The following CATSPER3 variants were observed in gnomAD, a reference collection of about 807,000 sequenced individuals.
The protein encoded by CATSPER3 is cation channel sperm-associated protein 3.
CATSPER3 carries 23 observed loss-of-function variants against 36.6 expected under a neutral mutation model. The ratio of observed to expected loss-of-function variants is 0.63; its 90% CI spans 0.45 to 0.89. The LOEUF (loss-of-function observed/expected upper bound fraction) is 0.89, where lower values mean the gene tolerates loss of function less well. Among genes scored for constraint, CATSPER3 ranks in the 40% least tolerant of loss-of-function variants. The probability of loss-of-function intolerance (pLI) is 0.00; values close to 1 mark genes in which losing one functional copy is unlikely to be tolerated. For synonymous variants in CATSPER3, 172 were observed against 184.1 expected (o/e 0.93, Z 0.53); for missense variants, 474 against 503.9 (o/e 0.94, Z 0.57).
intron 3 of CATSPER3, among the ~76,000 whole-genome samples, chr5:135,004,734 A>G (rs555627008): frequency 1.3e-5 from 2 of 152,112 alleles, no homozygotes; most frequent in Non-Finnish European, 2.9e-5. Flanking sequence ...AGAAGGAGGT[A>G]CTGAGTCTGG....
chr5:134,990,404 A>T (rs1260515989), intron 2 of CATSPER3, among the ~76,000 whole-genome samples: 1 of 152,192 alleles, frequency 6.6e-6, no homozygotes. Context: ...TGAGTTTCTA[A>T]TTAGCGTCTC....
At chr5:134,998,749 C>T (rs1580912141) in intron 3 of CATSPER3, among the ~76,000 whole-genome samples, 1 of 152,134 alleles carries the variant, frequency 6.6e-6, no homozygotes, top group African/African-American at 2.4e-5. Flanking sequence ...ATCCTTTGCC[C>T]ACTTTTTGAT....
intron 2 of CATSPER3, among the ~76,000 whole-genome samples, chr5:134,989,618 A>G (rs1157433623): frequency 6.6e-6 from 1 of 152,204 alleles, no homozygotes; most frequent in Non-Finnish European, 1.5e-5. Context: ...GACTTCAAAC[A>G]ATTGAAGAGA....
intron 2 of CATSPER3, among the ~76,000 whole-genome samples, chr5:134,988,594 GA>G (rs1751838743): frequency 6.6e-6 from 1 of 152,164 alleles, no homozygotes. Flanking sequence ...GCTCACCCAT[GA>G]AAAGCAACTC....
intron 5 of CATSPER3, 76 bp from the exon 6 acceptor site, chr5:135,009,295 G>T: frequency 1.3e-6 from 2 of 1,497,862 alleles, no homozygotes; most frequent in East Asian, 2.3e-5. Flanking sequence ...AGCGGTGCAA[G>T]ACTGGGGAAG....
chr5:134,991,236 A>G (rs905470224), intron 2 of CATSPER3, among the ~76,000 whole-genome samples: 1 of 152,242 alleles, frequency 6.6e-6, no homozygotes, highest in African/African-American at 2.4e-5. Flanking sequence ...GATACAATGC[A>G]ATTTTTGTCA....
chr5:134,981,254 G>A (rs971366087), intron 2 of CATSPER3, among the ~76,000 whole-genome samples: 1 of 152,002 alleles, frequency 6.6e-6, no homozygotes, highest in African/African-American at 2.4e-5. Flanking sequence ...ACTTTGGGAG[G>A]CCCAGGCAGG....
At chr5:135,007,645 G>C (rs1473997012) in intron 3 of CATSPER3, among the ~76,000 whole-genome samples, 2 of 152,234 alleles carry the variant, frequency 1.3e-5, no homozygotes, top group East Asian at 3.8e-4. Context: ...CACACAGCCA[G>C]GTTGGGGTTC....
intron 3 of CATSPER3, among the ~76,000 whole-genome samples, chr5:135,002,185 T>A (rs1752028276): frequency 1.3e-5 from 2 of 152,338 alleles, no homozygotes; most frequent in East Asian, 3.9e-4. Flanking sequence ...CAGCATTTGC[T>A]TGTCTGTAAA....
intron 3 of CATSPER3, among the ~76,000 whole-genome samples, chr5:135,006,850 ATAAT>A (rs796869751): frequency 3.5e-4 from 44 of 126,890 alleles, no homozygotes; most frequent in East Asian, 6.9e-4. Context: ...AAAAAAAAAA[ATAAT>A]AATAATAATA....
At chr5:134,982,145 G>A (rs1751758999) in intron 2 of CATSPER3, among the ~76,000 whole-genome samples, 5 of 152,116 alleles carry the variant, frequency 3.3e-5, no homozygotes, top group Admixed American at 3.3e-4. Context: ...AGTTGAACTT[G>A]TTCACTTTGA....
chr5:135,003,008 C>T (rs1254863530), intron 3 of CATSPER3, among the ~76,000 whole-genome samples: 4 of 152,204 alleles, frequency 2.6e-5, no homozygotes, highest in Non-Finnish European at 5.9e-5. Flanking sequence ...AGCTGCGTTC[C>T]TTTGGAGGGG....
At chr5:134,993,164 T>C (rs1461297820) in intron 2 of CATSPER3, among the ~76,000 whole-genome samples, 1 of 152,224 alleles carries the variant, frequency 6.6e-6, no homozygotes, top group Non-Finnish European at 1.5e-5. Context: ...CAACATGGAA[T>C]GAACCTTGGA....
intron 4 of CATSPER3, among the ~76,000 whole-genome samples, chr5:135,008,463 T>C (rs1752119228): frequency 6.6e-6 from 1 of 152,200 alleles, no homozygotes; most frequent in Admixed American, 6.5e-5. Flanking sequence ...CTTTGGGGAA[T>C]TGGCTGTCAC....
chr5:134,996,670 T>A (rs899332123), intron 3 of CATSPER3, among the ~76,000 whole-genome samples, 158 bp downstream of exon 3: 3 of 152,226 alleles, frequency 2.0e-5, no homozygotes, highest in African/African-American at 4.8e-5. Flanking sequence ...CATTTAATCT[T>A]AAAACAATTC....
intron 2 of CATSPER3, among the ~76,000 whole-genome samples, chr5:134,970,301 A>G (rs1751587249): frequency 1.3e-5 from 2 of 151,918 alleles, no homozygotes; most frequent in South Asian, 2.1e-4. Context: ...AGCTGGGATT[A>G]TAGGCACCCG....
chr5:135,006,464 C>T (rs749246095), intron 3 of CATSPER3, among the ~76,000 whole-genome samples: 4 of 152,168 alleles, frequency 2.6e-5, no homozygotes, highest in African/African-American at 4.8e-5. Flanking sequence ...CAGCTTTTCT[C>T]ATGAGGATTT....
Position 134,996,259 on chromosome 5 carries a change from T to TG in CATSPER3, c.253-13dup. The TG allele has an allele frequency of 6.2e-7, 1 of 1,614,204 alleles. No homozygotes were observed. The highest frequency in any genetic ancestry group is 1.1e-5 in the South Asian group (1 of 91,074). ...AGCTCGATCTGACTTCTCCAACCCT[T>TG]GCTACCCCTGTAGTTCTCGGAGATC... On this transcript the variant is annotated splice_polypyrimidine_tract_variant and intron_variant, in intron 2 of 7. Transcript: ENST00000282611.
chr5:135,005,972 T>TGTGGCTTGATCCAGAGCC (rs1438515482), intron 3 of CATSPER3, among the ~76,000 whole-genome samples: 1 of 152,168 alleles, frequency 6.6e-6, no homozygotes, highest in Non-Finnish European at 1.5e-5. Context: ...GCCCCAGGGC[T>TGTGGCTTGATCCAGAGCC]GTGGCTTGAT....
Sources: gnomAD v4.1 joint callset for allele counts (sites outside exome capture counted in the v4.1 genomes callset) on GRCh38, gnomAD v4.1.1 for gene constraint, MANE v1.5 for transcripts, NCBI Gene and HGNC (gene_info 2026-07-23, HGNC 2026-07-21) for gene names.